RSBN1: variants seen among roughly 807,000 people sequenced by gnomAD.
RSBN1 encodes the protein lysine-specific demethylase 9.
A neutral mutation model predicts 74.8 loss-of-function variants in RSBN1; 23 were observed. The ratio of observed to expected loss-of-function variants is 0.31; its 90% CI spans 0.22 to 0.44. RSBN1 has a LOEUF of 0.44. Among genes scored for constraint, RSBN1 ranks in the 20% least tolerant of loss-of-function variants. The probability of loss-of-function intolerance (pLI) is 1.00; values close to 1 mark genes in which losing one functional copy is unlikely to be tolerated. For missense variants in RSBN1, 808 were observed against 1,020.9 expected (o/e 0.79, Z 2.84); for synonymous variants, 407 against 379.6 (o/e 1.07, Z -0.84).
Position 113,775,180 on chromosome 1 carries a change from A to G in RSBN1, c.1658+2030T>C, listed in dbSNP as rs1369380227. 3.3e-5 allele frequency among the ~76,000 whole-genome samples: 5 copies of G among 151,902 alleles called. 1 individual carries two copies. Among genetic ancestry groups the G allele is most frequent in the Middle Eastern group, 6.8e-3 (2 of 292 alleles). On this transcript the variant is annotated intron_variant, in intron 4 of 6. Coordinates refer to ENST00000261441, the MANE Select transcript of RSBN1 (RefSeq NM_018364.5). ...GCTGGGATAACAGGCGGCTGCCACC[A>G]TGCCCAGCTAATTTTTGTATTTTTA...
intron 4 of RSBN1, among the ~76,000 whole-genome samples, chr1:113,776,526 G>A (rs1241391097): frequency 6.6e-6 from 1 of 152,170 alleles, no homozygotes; most frequent in Non-Finnish European, 1.5e-5. Context: ...TTTTGAAAAT[G>A]TATTAAGTTT....
rs1183688577 is a variant in RSBN1, at chr1:113,812,312, T to A, written c.101A>T (p.Asp34Val). 2 of 1,603,998 alleles carry A rather than the reference T, an allele frequency of 1.2e-6. No individual in the cohort carries two copies. Among genetic ancestry groups the A allele is most frequent in the South Asian group, 2.2e-5 (2 of 91,050 alleles). ...SARAALARCA[D>V]GGAVGPFKCV... ...TTTAAATGGCCCGACCGCCCCCCCG[T>A]CCGCGCATCGCGCAAGCGCCGCCCG... The change falls in exon 1 of 7, where the codon GAC becomes GTC. Residue 34 changes from aspartate to valine, a missense_variant. Around this residue, in one of 6 missense-constraint regions of RSBN1, gnomAD observed 464 missense variants for 401.0 expected, o/e 1.16. Coordinates refer to ENST00000261441, the MANE Select transcript of RSBN1 (RefSeq NM_018364.5).
At chr1:113,788,046 A>C (rs925618043) in intron 2 of RSBN1, among the ~76,000 whole-genome samples, 1 of 152,190 alleles carries the variant, frequency 6.6e-6, no homozygotes, top group Admixed American at 6.5e-5. Context: ...AGATGAAAAA[A>C]GGTATTGTAT....
intron 2 of RSBN1, among the ~76,000 whole-genome samples, chr1:113,781,452 G>A (rs1660138454): frequency 1.3e-5 from 2 of 152,026 alleles, no homozygotes; most frequent in Admixed American, 6.6e-5. Flanking sequence ...TCTCCAAAAC[G>A]TGGTTGTTGC....
intron 2 of RSBN1, among the ~76,000 whole-genome samples, chr1:113,789,871 TAG>T (rs1660331725): frequency 6.6e-6 from 1 of 152,206 alleles, no homozygotes; most frequent in African/African-American, 2.4e-5. Context: ...AAAATTAATG[TAG>T]AGTTAGATGT....
chr1:113,812,258 T>A lies in RSBN1; in HGVS notation c.155A>T (p.Gln52Leu), dbSNP rs1660886458. 6.2e-7 allele frequency: 1 copy of A among 1,605,770 alleles called. No individual in the cohort carries two copies. Among genetic ancestry groups the A allele is most frequent in the African/African-American group, 1.3e-5 (1 of 74,904 alleles). The change falls in exon 1 of 7, where the codon CAG becomes CTG. Residue 52 changes from glutamine (Q) to leucine (L), a missense_variant. This residue lies in a region of RSBN1 where 464 missense variants were observed against 401.0 expected (regional missense o/e 1.16). Coordinates refer to ENST00000261441, the MANE Select transcript of RSBN1 (RefSeq NM_018364.5). The part of the protein sequence containing the change: ...KCVFVGEMAA[Q>L]VGAVRVVRAV... ...CCGTACTACGCGCACCGCTCCGACCTGCGCAGCCATTTCACCCACAAACAC... is the reference window on the plus strand; with the variant it reads ...CCGTACTACGCGCACCGCTCCGACCAGCGCAGCCATTTCACCCACAAACAC...
At chr1:113,775,864 G>A (rs182216056) in intron 4 of RSBN1, among the ~76,000 whole-genome samples, 171 of 152,202 alleles carry the variant, frequency 1.1e-3, no homozygotes, top group Non-Finnish European at 2.0e-3. Context: ...ACCCTGCATC[G>A]TACATAATGT....
At position 113,766,248 on chromosome 1, in the gene RSBN1, G is replaced by A. The variant is rs756280745; in HGVS notation, c.2141C>T (p.Thr714Ile). Residue 714 changes from threonine (T) to isoleucine (I), a missense_variant, in exon 7 of 7, where the codon ACA becomes ATA. Coordinates refer to ENST00000261441, the MANE Select transcript of RSBN1 (RefSeq NM_018364.5). Reference protein sequence around the residue: ...YHPVVEATQNTESNSNMDCGL... With the variant: ...YHPVVEATQNIESNSNMDCGL... ...ACAGTCCATGTTAGAATTGCTTTCT[G>A]TGTTTTGAGTGGCTTCCACAACAGG... 4.3e-6 allele frequency: 7 copies of A among 1,614,018 alleles called. No homozygotes were observed. The highest frequency in any genetic ancestry group is 5.1e-6 in the Non-Finnish European group (6 of 1,179,990).
chr1:113,784,212 CATT>C lies in RSBN1; in HGVS notation c.1378-6407_1378-6405del, dbSNP rs200701731. Reference sequence around the variant, plus strand: ...ACATGAGTTACAGGAAAGCAGGTGTCATTCATTTACCACAAGTTTATTGTACAG... The same window carrying C: ...ACATGAGTTACAGGAAAGCAGGTGTCCATTTACCACAAGTTTATTGTACAG... On this transcript the variant is annotated intron_variant, in intron 2 of 6. Transcript: ENST00000261441. Among the ~76,000 whole-genome samples, 1,435 of 152,252 alleles carry C rather than the reference CATT, an allele frequency of 9.4e-3. 18 individuals are homozygous for C. Among genetic ancestry groups the C allele is most frequent in the African/African-American group, 0.033 (1,368 of 41,518 alleles).
In RSBN1 at chr1:113,797,366, A is replaced by G; in HGVS notation, c.1374T>C (p.Thr458=). The part of the protein sequence containing the change: ...IETTTISNFH[T]QVNRTYCCGT... ...TTAACAACAATTTTTATCTTACCTG[A>G]GTGTGAAAATTTGAAATGGTGGTTG... is the stretch of plus-strand genomic sequence containing the variant. The change falls in exon 2 of 7, where the codon ACT becomes ACC. Residue 458 remains threonine, a synonymous_variant. Transcript: ENST00000261441. 6.2e-7 allele frequency: 1 copy of G among 1,605,142 alleles called. No homozygotes were observed. Among genetic ancestry groups the G allele is most frequent in the Non-Finnish European group, 8.5e-7 (1 of 1,176,572 alleles).
chr1:113,787,064 G>A (rs1660258408), intron 2 of RSBN1, among the ~76,000 whole-genome samples: 1 of 152,026 alleles, frequency 6.6e-6, no homozygotes, highest in Admixed American at 6.6e-5. Flanking sequence ...TATTTTATTG[G>A]GATGGTGTTC....
chr1:113,808,553 A>G (rs1333440157), intron 1 of RSBN1, among the ~76,000 whole-genome samples: 2 of 152,242 alleles, frequency 1.3e-5, no homozygotes, highest in East Asian at 1.9e-4. Flanking sequence ...AGCTCTATCT[A>G]TAATAGCCAA....
Position 113,777,698 on chromosome 1 carries a change from A to T in RSBN1, c.1488T>A (p.Asp496Glu), listed in dbSNP as rs756243242. Residue 496 changes from aspartate to glutamate, a missense_variant, in exon 3 of 7, where the codon GAT (aspartate) becomes GAA (glutamate). Physicochemically the swap from Asp to Glu is conservative, Grantham distance 45 (BLOSUM62 2). Coordinates refer to ENST00000261441, the MANE Select transcript of RSBN1 (RefSeq NM_018364.5). Reference sequence around the variant, plus strand: ...TCAGAAATGGTGATTCTTCTAACATATCAAGGAACTCTGGGAAATAATCAC... The same window carrying T: ...TCAGAAATGGTGATTCTTCTAACATTTCAAGGAACTCTGGGAAATAATCAC... ...EVGDYFPEFL[D>E]MLEESPFLKM... 6.2e-7 allele frequency: 1 copy of T among 1,610,958 alleles called. No individual in the cohort carries two copies. The highest frequency in any genetic ancestry group is 1.1e-5 in the South Asian group (1 of 90,564).
chr1:113,808,222 T>C (rs540128991), intron 1 of RSBN1, among the ~76,000 whole-genome samples: 1 of 152,318 alleles, frequency 6.6e-6, no homozygotes, highest in African/African-American at 2.4e-5. Context: ...GTCCTTCATA[T>C]AAAATGGCAT....
At chr1:113,767,937 A>G in intron 5 of RSBN1, 1 of 246,120 alleles carries the variant, frequency 4.1e-6, no homozygotes. Context: ...CATAGAAACA[A>G]AGTAGAATGA....
At chr1:113,810,732 CAGTACTA>C (rs1167789695) in intron 1 of RSBN1, among the ~76,000 whole-genome samples, 6 of 152,084 alleles carry the variant, frequency 3.9e-5, no homozygotes, top group Non-Finnish European at 8.8e-5. Context: ...CTAACTGGTC[CAGTACTA>C]AGAAACAAGT....
chr1:113,771,610 CAA>C (rs1272041324), intron 4 of RSBN1, among the ~76,000 whole-genome samples: 17 of 92,400 alleles, frequency 1.8e-4, no homozygotes, highest in Admixed American at 4.6e-4. Context: ...AATGTCCTCT[CAA>C]AAAAAAAAAA....
chr1:113,801,459 A>G (rs1330254585), intron 1 of RSBN1, among the ~76,000 whole-genome samples: 1 of 152,234 alleles, frequency 6.6e-6, no homozygotes, highest in East Asian at 1.9e-4. Context: ...TAAACAAGTT[A>G]TCAAAGGTTA....
At chr1:113,773,328 G>A (rs537749045) in intron 4 of RSBN1, among the ~76,000 whole-genome samples, 5 of 152,102 alleles carry the variant, frequency 3.3e-5, no homozygotes, top group East Asian at 2.0e-4. Flanking sequence ...TGTTTGGGAC[G>A]AGCCTGGCCA....
Sources: gnomAD v4.1 joint callset for allele counts (sites outside exome capture counted in the v4.1 genomes callset) on GRCh38, gnomAD v4.1.1 for gene constraint, gnomAD v4.1.1 regional missense constraint, MANE v1.5 for transcripts, NCBI Gene and HGNC (gene_info 2026-07-23, HGNC 2026-07-21) for gene names.